The following TFAP2A variants were observed in gnomAD, a reference collection of about 807,000 sequenced individuals.
TFAP2A encodes transcription factor AP-2-alpha.
In TFAP2A, 7 loss-of-function variants were observed where a neutral mutation model predicts 41.5. The observed-to-expected ratio is 0.17, with a 90% CI of 0.10 to 0.32. The LOEUF is 0.32. Ranked by LOEUF, TFAP2A falls within the 10% of genes least tolerant of loss-of-function variation. The pLI is 1.00. For synonymous variants in TFAP2A, 247 were observed against 242.8 expected (o/e 1.02, Z -0.16); for missense variants, 416 against 563.3 (o/e 0.74, Z 2.65).
intron 1 of TFAP2A, chr6:10,411,694 C>A: frequency 6.3e-7 from 1 of 1,592,084 alleles, no homozygotes; most frequent in Non-Finnish European, 8.6e-7. Flanking sequence ...ACACAAAAGG[C>A]GCCGAGAGCC....
chr6:10,404,325 C>T (rs559637022), intron 4 of TFAP2A, among the ~76,000 whole-genome samples, 183 bp downstream of exon 4: 2 of 152,280 alleles, frequency 1.3e-5, no homozygotes, highest in South Asian at 4.1e-4. Context: ...CGCCGCATCG[C>T]CCGCTCCCCC....
upstream of TFAP2A, chr6:10,415,181 G>GGAGGAGGAGGGC: frequency 2.7e-6 from 4 of 1,497,864 alleles, no homozygotes; most frequent in Middle Eastern, 2.1e-4. Context: ...AGGGCGAGGA[G>GGAGGAGGAGGGC]GAGGAGGAGG....
chr6:10,407,173 T>C (rs1488902832), intron 2 of TFAP2A: 2 of 348,796 alleles, frequency 5.7e-6, no homozygotes, highest in African/African-American at 2.1e-5. Flanking sequence ...CATTTAGAAA[T>C]GTACCTAGCT....
At chr6:10,402,735 AT>A in intron 4 of TFAP2A, 125 bp from the exon 5 acceptor site, 1 of 773,112 alleles carries the variant, frequency 1.3e-6, no homozygotes. Context: ...GCCCCAAGAC[AT>A]TTAAAGGAGG....
chr6:10,400,946 T>C (rs1449820574), intron 5 of TFAP2A, among the ~76,000 whole-genome samples: 1 of 152,242 alleles, frequency 6.6e-6, no homozygotes, highest in African/African-American at 2.4e-5. Flanking sequence ...ATATTCATAA[T>C]TACTCTTTGA....
rs1761864152 is a variant in TFAP2A at position 10,398,293 on chromosome 6, G to GGCGGCAGCA, written c.*115_*123dup. On this transcript the variant is annotated 3_prime_UTR_variant, in exon 7 of 7. Transcript: ENST00000379613. This position sits in a 1 kb window ranked among gnomAD's most constrained non-coding sequence, Gnocchi z 5.3. ...ACCCAAGGGCAGCGGCGGCGGCGGC[G>GGCGGCAGCA]GCGGCAGCAGCAGCAGCAGTAGCAG... is the stretch of plus-strand genomic sequence containing the variant. The GGCGGCAGCA allele has an allele frequency of 1.3e-6, 2 of 1,587,786 alleles. No homozygotes were observed. The highest frequency in any genetic ancestry group is 1.7e-6 in the Non-Finnish European group (2 of 1,170,526).
chr6:10,410,480 T>C (rs2857071), intron 1 of TFAP2A, 145 bp from the exon 2 acceptor site: 265 of 765,676 alleles, frequency 3.5e-4, no homozygotes, highest in Non-Finnish European at 5.4e-4. Context: ...CTCTAAGTTC[T>C]TTTCAGGAAA....
At chr6:10,410,366 C>T in intron 1 of TFAP2A, 31 bp from the exon 2 acceptor site, 1 of 1,584,648 alleles carries the variant, frequency 6.3e-7, no homozygotes, top group Non-Finnish European at 8.6e-7. Context: ...AGGTAAAGAA[C>T]AAGGAATCAG....
intron 1 of TFAP2A, chr6:10,412,104 G>A (rs1002567370): frequency 4.0e-6 from 4 of 995,022 alleles, no homozygotes; most frequent in Admixed American, 1.1e-4. Context: ...AAGCGGAGAG[G>A]CAACTCGCGC....
chr6:10,406,551 G>A, intron 3 of TFAP2A: 1 of 557,968 alleles, frequency 1.8e-6, no homozygotes, highest in Non-Finnish European at 3.2e-6. Context: ...TTGTGTGTTT[G>A]TCCAAATATC....
intron 5 of TFAP2A, chr6:10,402,264 G>C: frequency 1.6e-6 from 1 of 620,446 alleles, no homozygotes; most frequent in Non-Finnish European, 3.1e-6. Context: ...AATTAGGCTG[G>C]GGAGGTGTAA....
intron 1 of TFAP2A, chr6:10,412,317 G>C (rs1758010682): frequency 1.0e-6 from 1 of 984,746 alleles, no homozygotes; most frequent in African/African-American, 1.8e-5. Flanking sequence ...AAGAGAAAGA[G>C]GCAGAGAGGG....
At chr6:10,408,182 G>A (rs923970488) in intron 2 of TFAP2A, among the ~76,000 whole-genome samples, 4 of 152,174 alleles carry the variant, frequency 2.6e-5, no homozygotes, top group African/African-American at 7.2e-5. Flanking sequence ...GTTAACTGTT[G>A]CAGCAATGGG....
At position 10,398,762 on chromosome 6, in the gene TFAP2A, G is replaced by C; in HGVS notation, c.1032-57C>G. 6.3e-7 allele frequency: 1 copy of C among 1,590,254 alleles called. No homozygotes were observed. The highest frequency in any genetic ancestry group is 8.6e-7 in the Non-Finnish European group (1 of 1,164,872). On this transcript the variant is annotated intron_variant, in intron 6 of 6. Transcript: ENST00000379613. This position sits in a 1 kb window ranked among gnomAD's most constrained non-coding sequence, Gnocchi z 5.3. ...TAAGGCTCCACTATGGGCAGCACTA[G>C]CAGCAAAGAGAAAACCTCCCTCCCT...
At chr6:10,404,060 A>C (rs1342406520) in intron 4 of TFAP2A, among the ~76,000 whole-genome samples, 1 of 152,240 alleles carries the variant, frequency 6.6e-6, no homozygotes, top group African/African-American at 2.4e-5. Flanking sequence ...TTACCCTCGG[A>C]GACCCTACTC....
At chr6:10,400,757 G>C (rs750286881) in intron 5 of TFAP2A, 168 bp from the exon 6 acceptor site, 1 of 820,708 alleles carries the variant, frequency 1.2e-6, no homozygotes, top group Non-Finnish European at 2.0e-6. Context: ...GTAGGATCTG[G>C]TGGATGCATT....
At chr6:10,411,162 C>G (rs3798691) in intron 1 of TFAP2A, 7,660 of 197,312 alleles carry the variant, frequency 0.039, 413 homozygotes, top group East Asian at 0.25. Context: ...TTCCAGAGAC[C>G]GCGAACCCTC....
intron 6 of TFAP2A, 146 bp downstream of exon 6, chr6:10,400,302 T>G (rs1761959527): frequency 3.1e-6 from 3 of 970,308 alleles, no homozygotes; most frequent in African/African-American, 3.3e-5. Flanking sequence ...TTCCTTAACA[T>G]AGACTATATA....
chr6:10,410,268 G>T lies in TFAP2A; in HGVS notation c.119C>A (p.Pro40His), dbSNP rs1277168345. 2.5e-6 allele frequency: 4 copies of T among 1,613,480 alleles called. No homozygotes were observed. The highest frequency in any genetic ancestry group is 3.4e-6 in the Non-Finnish European group (4 of 1,179,890). The change falls in exon 2 of 7, where the codon CCC becomes CAC. Residue 40 changes from proline to histidine, a missense_variant. Around this residue, in one of 3 missense-constraint regions of TFAP2A, gnomAD observed 241 missense variants for 274.1 expected, o/e 0.88. Transcript: ENST00000379613. ...GGACAGCGGCGGGGCGCTCGTGTAGGGAGATTGACCTACAGTGCCCAGCTG... is the reference window on the plus strand; with the variant it reads ...GGACAGCGGCGGGGCGCTCGTGTAGTGAGATTGACCTACAGTGCCCAGCTG... ...LPQLGTVGQS[P>H]YTSAPPLSHT... is the part of the protein sequence containing the mutation.
Sources: allele counts gnomAD v4.1 joint callset (sites outside exome capture counted in the v4.1 genomes callset), GRCh38; gene constraint gnomAD v4.1.1; regional missense constraint gnomAD v4.1.1; non-coding constraint Gnocchi (gnomAD v3.1); transcripts MANE v1.5; gene names NCBI Gene and HGNC (gene_info 2026-07-23, HGNC 2026-07-21).